Variants in CERS6 observed in about 807,000 individuals in gnomAD.
CERS6 encodes the protein ceramide synthase 6, also known as LAG1 homolog, ceramide synthase 6.
Under a neutral mutation model 56.8 loss-of-function variants are expected in CERS6, and 26 were observed. That is an observed-to-expected ratio of 0.46 (90% CI 0.34 to 0.63). The LOEUF is 0.63. Among genes scored for constraint, CERS6 ranks in the 30% least tolerant of loss-of-function variants. The pLI, the probability that CERS6 is intolerant of heterozygous loss-of-function variation, is 0.01. For synonymous variants in CERS6, 164 were observed against 173.3 expected, an observed-to-expected ratio of 0.95 and a Z score of 0.42; for missense variants, 415 against 467.5, an observed-to-expected ratio of 0.89 and a Z score of 1.04.
At chr2:168,686,940 A>G (rs1420213523) in intron 4 of CERS6, among the ~76,000 whole-genome samples, 1 of 152,240 alleles carries the variant, frequency 6.6e-6, no homozygotes, top group Non-Finnish European at 1.5e-5. Context: ...TATCTCATAC[A>G]TACAATCCAG....
At chr2:168,588,080 A>AT (rs11396816) in intron 3 of CERS6, among the ~76,000 whole-genome samples, 113,924 of 138,546 alleles carry the variant, frequency 0.82, 47,551 homozygotes, top group South Asian at 0.97. Flanking sequence ...TACCTGGCTA[A>AT]TTTTTTTTTT....
intron 3 of CERS6, among the ~76,000 whole-genome samples, chr2:168,570,762 A>AT (rs1270450374): frequency 6.6e-6 from 1 of 152,130 alleles, no homozygotes; most frequent in Non-Finnish European, 1.5e-5. Flanking sequence ...AAGTCTTTTA[A>AT]TGTTGCCAAG....
chr2:168,524,409 A>T (rs1207885561), intron 1 of CERS6, among the ~76,000 whole-genome samples: 1 of 152,222 alleles, frequency 6.6e-6, no homozygotes, highest in Non-Finnish European at 1.5e-5. Context: ...TGTGAAAGGA[A>T]TGGAGCTAAG....
At chr2:168,663,448 A>G (rs558028342) in intron 4 of CERS6, among the ~76,000 whole-genome samples, 48 of 152,284 alleles carry the variant, frequency 3.2e-4, no homozygotes, top group African/African-American at 4.8e-4. Context: ...GGGTCTCACT[A>G]TGTTGCCCAG....
intron 3 of CERS6, among the ~76,000 whole-genome samples, chr2:168,571,989 G>A (rs1318331379): frequency 6.6e-6 from 1 of 152,158 alleles, no homozygotes; most frequent in Non-Finnish European, 1.5e-5. Flanking sequence ...GGGTTCAACT[G>A]TGTAGAAAAG....
At chr2:168,748,831 T>TGGGGGGGG (rs72341847) in intron 8 of CERS6, among the ~76,000 whole-genome samples, 10 of 89,514 alleles carry the variant, frequency 1.1e-4, no homozygotes, top group East Asian at 6.0e-4. Flanking sequence ...TGGTTGGGGG[T>TGGGGGGGG]GGGGGGGGGG....
intron 3 of CERS6, among the ~76,000 whole-genome samples, chr2:168,603,284 C>G (rs1398839645): frequency 6.6e-6 from 1 of 152,122 alleles, no homozygotes; most frequent in Non-Finnish European, 1.5e-5. Flanking sequence ...TCCAGCAGCC[C>G]CATGGAATAA....
chr2:168,560,452 A>G (rs1695767051), intron 2 of CERS6, among the ~76,000 whole-genome samples: 2 of 152,254 alleles, frequency 1.3e-5, no homozygotes, highest in African/African-American at 4.8e-5. Flanking sequence ...ACTGAGGCTC[A>G]GAGAGGTCAA....
chr2:168,597,713 TTAA>T (rs1307777226), intron 3 of CERS6, among the ~76,000 whole-genome samples: 1 of 152,244 alleles, frequency 6.6e-6, no homozygotes, highest in Non-Finnish European at 1.5e-5. Context: ...GATATGTATA[TTAA>T]TAACATTAAT....
chr2:168,666,776 G>A (rs1348117298), intron 4 of CERS6, among the ~76,000 whole-genome samples: 2 of 152,164 alleles, frequency 1.3e-5, no homozygotes, highest in African/African-American at 4.8e-5. Flanking sequence ...GTGGTGCCAC[G>A]TTTCCTTTTT....
intron 8 of CERS6, among the ~76,000 whole-genome samples, chr2:168,761,385 G>A (rs1293092119): frequency 1.3e-5 from 2 of 152,210 alleles, no homozygotes; most frequent in African/African-American, 4.8e-5. Context: ...AAGCCAAGCG[G>A]TAGCATCAGT....
In CERS6 at chr2:168,572,767, G is replaced by A. The variant is rs1046220373; in HGVS notation, c.407+11445G>A. ...GAGCACTTGGAGACTTGCCGTGTTC[G>A]CTGTTTGCATCCATCTCTGCTGTTT... is the stretch of plus-strand genomic sequence containing the variant. On this transcript the variant is annotated intron_variant, in intron 3 of 9. Coordinates refer to ENST00000305747, the MANE Select transcript of CERS6 (RefSeq NM_203463.3). 4.6e-5 allele frequency among the ~76,000 whole-genome samples: 7 copies of A among 151,970 alleles called. 1 individual carries two copies. Among genetic ancestry groups the A allele is most frequent in the African/African-American group, 7.3e-5 (3 of 41,352 alleles).
At chr2:168,644,466 A>AAATGACAG in intron 4 of CERS6, 2 of 522,134 alleles carry the variant, frequency 3.8e-6, no homozygotes, top group Non-Finnish European at 4.9e-6. Context: ...AAGCATAAAG[A>AAATGACAG]AATGACAGAT....
In CERS6 at chr2:168,732,274, G is replaced by T. The variant is rs150039353; in HGVS notation, c.845+14296G>T. Among the ~76,000 whole-genome samples the T allele has an allele frequency of 6.6e-5, 10 of 152,170 alleles. No individual in the cohort carries two copies. In the South Asian group the frequency reaches 1.7e-3, roughly 25 times the overall value. ...TGGTAATCATTCCTTTCCTTGTCACGTTTCTCCACTCAAGAGTGAGTTCCA... is the reference window on the plus strand; with the variant it reads ...TGGTAATCATTCCTTTCCTTGTCACTTTTCTCCACTCAAGAGTGAGTTCCA... On this transcript the variant is annotated intron_variant, in intron 8 of 9. Transcript: ENST00000305747.
intron 3 of CERS6, among the ~76,000 whole-genome samples, chr2:168,568,196 G>A (rs891991083): frequency 2.0e-5 from 3 of 152,176 alleles, no homozygotes; most frequent in Non-Finnish European, 2.9e-5. Flanking sequence ...CTACATTTGA[G>A]TTGTCAGTTG....
At chr2:168,685,021 A>C (rs988585476) in intron 4 of CERS6, among the ~76,000 whole-genome samples, 2 of 152,226 alleles carry the variant, frequency 1.3e-5, no homozygotes, top group Non-Finnish European at 2.9e-5. Context: ...GTGTCAAAGT[A>C]GTTTAAGAAT....
At chr2:168,527,528 A>G (rs1361578380) in intron 1 of CERS6, among the ~76,000 whole-genome samples, 1 of 152,098 alleles carries the variant, frequency 6.6e-6, no homozygotes, top group Non-Finnish European at 1.5e-5. Flanking sequence ...AATTAAATTT[A>G]TTTCTCACAG....
At chr2:168,567,798 A>G (rs1378469810) in intron 3 of CERS6, among the ~76,000 whole-genome samples, 1 of 152,228 alleles carries the variant, frequency 6.6e-6, no homozygotes, top group Non-Finnish European at 1.5e-5. Context: ...GCCTGTCTCC[A>G]GTATTCCTGG....
At chr2:168,632,841 G>T (rs1324403543) in intron 4 of CERS6, among the ~76,000 whole-genome samples, 1 of 152,092 alleles carries the variant, frequency 6.6e-6, no homozygotes, top group African/African-American at 2.4e-5. Flanking sequence ...GAGGGGCTTT[G>T]TTGGTGAGAA....
Sources: gnomAD v4.1 joint callset for allele counts (sites outside exome capture counted in the v4.1 genomes callset) on GRCh38, gnomAD v4.1.1 for gene constraint, MANE v1.5 for transcripts, NCBI Gene and HGNC (gene_info 2026-07-23, HGNC 2026-07-21) for gene names.